ZNF28: variants seen among roughly 807,000 people sequenced by gnomAD.
The protein encoded by ZNF28 is zinc finger protein 28, also known as zinc finger protein KOX24.
A neutral mutation model predicts 7.2 loss-of-function variants in ZNF28; 5 were observed. The observed-to-expected ratio is 0.70, with a 90% CI of 0.36 to 1.46. ZNF28 has a LOEUF of 1.46. Among genes scored for constraint, ZNF28 ranks in the 40% most tolerant of loss-of-function variants. The pLI is 0.03. For synonymous variants in ZNF28, 288 were observed against 292.4 expected (o/e 0.99, Z 0.15); for missense variants, 879 against 866.6 (o/e 1.01, Z -0.18).
chr19:52,807,803 T>C, intron 3 of ZNF28: 1 of 925,746 alleles, frequency 1.1e-6, no homozygotes, highest in Non-Finnish European at 1.6e-6. Flanking sequence ...CTACTTTACT[T>C]CTGGAAGCTC....
Position 52,803,051 on chromosome 19 carries a change from G to A in ZNF28, c.143-1349C>T, listed in dbSNP as rs193222807. ...GCTGGGATTATAGGCATGAGCCACC[G>A]CACACGGCCGACTTTTAAAAAAAAT... On this transcript the variant is annotated intron_variant, in intron 3 of 3. Coordinates refer to ENST00000457749, the MANE Select transcript of ZNF28 (RefSeq NM_006969.5). 1.6e-3 allele frequency among the ~76,000 whole-genome samples: 235 copies of A among 151,114 alleles called. 2 individuals are homozygous for A. The highest frequency in any genetic ancestry group is 5.4e-3 in the African/African-American group (221 of 41,164).
rs141070770 is a variant in ZNF28, at chr19:52,801,190, C to G, written c.655G>C (p.Glu219Gln). ...CTACAATTAAAGGATTTGCCACTCT[C>G]AATACATTGGAAAGATTTTTCTCTC... ...HMREKSFQCIESGKSFNCSSL... is the reference protein window; with the variant it reads ...HMREKSFQCIQSGKSFNCSSL... Residue 219 changes from glutamate to glutamine, a missense_variant, in exon 4 of 4, where the codon GAG (glutamate) becomes CAG (glutamine). Physicochemically the swap from Glu to Gln is conservative, Grantham distance 29. Coordinates refer to ENST00000457749, the MANE Select transcript of ZNF28 (RefSeq NM_006969.5). The G allele has an allele frequency of 2.8e-5, 45 of 1,614,102 alleles. No individual in the cohort carries two copies. In the African/African-American group the frequency reaches 4.9e-4, roughly 18 times the overall value.
intron 3 of ZNF28, among the ~76,000 whole-genome samples, chr19:52,802,228 G>C (rs1417366190): frequency 6.6e-6 from 1 of 152,106 alleles, no homozygotes; most frequent in Non-Finnish European, 1.5e-5. Flanking sequence ...AATTAGCCAG[G>C]TATGGTGGCC....
At chr19:52,818,526 A>C (rs1218435032) in intron 1 of ZNF28, among the ~76,000 whole-genome samples, 3 of 148,420 alleles carry the variant, frequency 2.0e-5, no homozygotes, top group African/African-American at 5.1e-5. Context: ...CAGCCTGGCC[A>C]ACATGGTGAA....
At chr19:52,816,905 A>T (rs1220073664) in intron 2 of ZNF28, among the ~76,000 whole-genome samples, 1 of 148,174 alleles carries the variant, frequency 6.7e-6, no homozygotes, top group Non-Finnish European at 1.5e-5. Context: ...TTATCCTCTT[A>T]GATAAAAAAG....
intron 3 of ZNF28, chr19:52,805,426 T>C (rs537907951): frequency 6.6e-6 from 1 of 151,714 alleles, no homozygotes; most frequent in South Asian, 2.1e-4. Context: ...AGATTGAGAC[T>C]ATCCTGGCCA....
chr19:52,809,006 T>C (rs1420370579), intron 2 of ZNF28, among the ~76,000 whole-genome samples: 1 of 152,142 alleles, frequency 6.6e-6, no homozygotes, highest in Non-Finnish European at 1.5e-5. Context: ...ATATATGTAT[T>C]TGTATGTATA....
chr19:52,805,600 C>T (rs1486690966), intron 3 of ZNF28: 6 of 150,964 alleles, frequency 4.0e-5, no homozygotes, highest in Non-Finnish European at 8.9e-5. Flanking sequence ...GCACTCCGGC[C>T]TGGGCGACAG....
intron 3 of ZNF28, among the ~76,000 whole-genome samples, chr19:52,803,043 G>A (rs935616126): frequency 2.0e-5 from 3 of 151,662 alleles, no homozygotes; most frequent in African/African-American, 7.3e-5. Flanking sequence ...TTATAGGCAT[G>A]AGCCACCGCA....
chr19:52,811,750 G>A lies in ZNF28; in HGVS notation c.16-3617C>T, dbSNP rs556825498. ...TCTCCGCCCGGCAGCCGCCCCGTCCGGGAGGGAGGTCGGGGGGGTCAGCCC... is the reference window on the plus strand; with the variant it reads ...TCTCCGCCCGGCAGCCGCCCCGTCCAGGAGGGAGGTCGGGGGGGTCAGCCC... On this transcript the variant is annotated intron_variant, in intron 2 of 3. Transcript: ENST00000457749. 6.3e-3 allele frequency among the ~76,000 whole-genome samples: 923 copies of A among 146,666 alleles called. 27 individuals are homozygous for A. The highest frequency in any genetic ancestry group is 0.024 in the African/African-American group (884 of 37,530).
chr19:52,809,220 T>C (rs2062979494), intron 2 of ZNF28, among the ~76,000 whole-genome samples: 1 of 152,180 alleles, frequency 6.6e-6, no homozygotes, highest in Non-Finnish European at 1.5e-5. Flanking sequence ...TTCAACTGCC[T>C]GACCTGGAGG....
intron 3 of ZNF28, among the ~76,000 whole-genome samples, chr19:52,803,300 C>T (rs2062897069): frequency 6.6e-6 from 1 of 151,658 alleles, no homozygotes; most frequent in Non-Finnish European, 1.5e-5. Flanking sequence ...AGGCTGGTCT[C>T]GAACTCCTGA....
Position 52,799,969 on chromosome 19 carries a change from G to A in ZNF28, c.1876C>T (p.Arg626Cys), listed in dbSNP as rs759005642. Residue 626 changes from arginine to cysteine, a missense_variant, in exon 4 of 4, where the codon CGT (arginine) becomes TGT (cysteine). Physicochemically the swap from Arg to Cys is radical, Grantham distance 180. Around this residue, in one of 2 missense-constraint regions of ZNF28, gnomAD observed 864 missense variants for 830.2 expected, o/e 1.04. Transcript: ENST00000457749. Reference protein sequence around the residue: ...FRQTSSLIIHRRLHTGEKPYK... With the variant: ...FRQTSSLIIHCRLHTGEKPYK... Reference sequence around the variant, plus strand: ...GGTTTCTCTCCAGTATGAAGCCTACGATGGATTATAAGCGATGATGTCTGA... The same window carrying A: ...GGTTTCTCTCCAGTATGAAGCCTACAATGGATTATAAGCGATGATGTCTGA... The A allele has an allele frequency of 1.7e-5, 28 of 1,612,650 alleles. No individual in the cohort carries two copies. The East Asian group carries it at 3.8e-4, about 22-fold the overall frequency.
intron 2 of ZNF28, 54 bp from the exon 3 acceptor site, chr19:52,808,187 C>A: frequency 6.3e-7 from 1 of 1,599,964 alleles, no homozygotes; most frequent in African/African-American, 1.3e-5. Flanking sequence ...CTTATCTTTA[C>A]AGAAAATGAC....
rs1251447046 is a variant in ZNF28 at position 52,812,188 on chromosome 19, A to G, written c.16-4055T>C. On this transcript the variant is annotated intron_variant, in intron 2 of 3. Coordinates refer to ENST00000457749, the MANE Select transcript of ZNF28 (RefSeq NM_006969.5). The stretch of plus-strand genomic sequence containing the variant: ...GGCCAGCCGCCCCATCTGGGAGGTG[A>G]GGGGCGCTTCTGCCCGGCCGCCCCT... 3.3e-4 allele frequency among the ~76,000 whole-genome samples: 42 copies of G among 126,878 alleles called. 3 individuals carry two copies. The highest frequency in any genetic ancestry group is 4.4e-3 in the Middle Eastern group (1 of 226). 83.2% of individuals were successfully genotyped at this position (126,878 alleles called of 152,430 possible).
At chr19:52,812,860 C>A (rs905468379) in intron 2 of ZNF28, among the ~76,000 whole-genome samples, 28 of 149,086 alleles carry the variant, frequency 1.9e-4, no homozygotes, top group Non-Finnish European at 3.9e-4. Context: ...GGAAATGCAT[C>A]ACCCTGATTA....
At chr19:52,802,639 T>C (rs2062886518) in intron 3 of ZNF28, among the ~76,000 whole-genome samples, 1 of 152,094 alleles carries the variant, frequency 6.6e-6, no homozygotes, top group South Asian at 2.1e-4. Flanking sequence ...ATCGCACCAC[T>C]GCACTCCACC....
Position 52,799,842 on chromosome 19 carries a change from C to T in ZNF28, c.2003G>A (p.Cys668Tyr), listed in dbSNP as rs2062838430. The T allele has an allele frequency of 1.2e-6, 2 of 1,613,978 alleles. No homozygotes were observed. The highest frequency in any genetic ancestry group is 1.7e-5 in the Admixed American group (1 of 59,982). The change falls in exon 4 of 4, where the codon TGT (cysteine) becomes TAT (tyrosine). Residue 668 changes from cysteine to tyrosine, a missense_variant. Cys to Tyr is a radical substitution (Grantham distance 194). Coordinates refer to ENST00000457749, the MANE Select transcript of ZNF28 (RefSeq NM_006969.5). ...TGCTTGTTGATTAAAAACCTTGCCA[C>T]ATTCATTACACTTGTAAGGTTTCTC... The part of the protein sequence containing the change: ...SGEKPYKCNE[C>Y]GKVFNQQAHL...
intron 2 of ZNF28, among the ~76,000 whole-genome samples, chr19:52,812,762 T>TCAA: frequency 1.3e-5 from 1 of 75,400 alleles, no homozygotes; most frequent in Non-Finnish European, 2.8e-5. Context: ...GAATGATCAA[T>TCAA]AAAAAAAAAA....
Sources: gnomAD v4.1 joint callset for allele counts (sites outside exome capture counted in the v4.1 genomes callset) on GRCh38, gnomAD v4.1.1 for gene constraint, gnomAD v4.1.1 regional missense constraint, MANE v1.5 for transcripts, NCBI Gene and HGNC (gene_info 2026-07-23, HGNC 2026-07-21) for gene names.